Variants in ASXL3 observed in about 807,000 individuals in gnomAD.
ASXL3 encodes the protein putative Polycomb group protein ASXL3.
In ASXL3, 34 loss-of-function variants were observed where a neutral mutation model predicts 170.6. That is an observed-to-expected ratio of 0.20 (90% CI 0.15 to 0.27). The LOEUF is 0.27. Ranked by LOEUF, ASXL3 falls within the 10% of genes least tolerant of loss-of-function variation. The probability of loss-of-function intolerance (pLI) is 1.00; values close to 1 mark genes in which losing one functional copy is unlikely to be tolerated. For synonymous variants in ASXL3, 1,002 were observed against 989.1 expected, an observed-to-expected ratio of 1.01 and a Z score of -0.24; for missense variants, 2,592 against 2,695.3, an observed-to-expected ratio of 0.96 and a Z score of 0.85.
intron 7 of ASXL3, among the ~76,000 whole-genome samples, chr18:33,679,241 GT>G (rs2066478010): frequency 6.6e-6 from 1 of 151,714 alleles, no homozygotes; most frequent in Non-Finnish European, 1.5e-5. Flanking sequence ...TTGCCTCTAG[GT>G]TTGGCCTTTG....
At chr18:33,585,731 A>C (rs2065029326) in intron 1 of ASXL3, among the ~76,000 whole-genome samples, 1 of 152,232 alleles carries the variant, frequency 6.6e-6, no homozygotes, top group Non-Finnish European at 1.5e-5. Flanking sequence ...TTAGCTTTGG[A>C]GGAACTTTTA....
chr18:33,657,583 A>G (rs531861457), intron 4 of ASXL3, among the ~76,000 whole-genome samples: 1 of 152,232 alleles, frequency 6.6e-6, no homozygotes, highest in Admixed American at 6.5e-5. Flanking sequence ...TTTCAAGTTG[A>G]ATGGTAAATT....
chr18:33,607,048 T>G (rs1288705738), intron 1 of ASXL3, among the ~76,000 whole-genome samples: 1 of 151,966 alleles, frequency 6.6e-6, no homozygotes, highest in Non-Finnish European at 1.5e-5. Flanking sequence ...TACTTGAAAT[T>G]AATTGGAAAA....
intron 2 of ASXL3, among the ~76,000 whole-genome samples, chr18:33,632,619 G>C (rs2065695883): frequency 3.3e-5 from 5 of 152,086 alleles, no homozygotes. Context: ...TTTTGTCAGT[G>C]TCTTTGTCCA....
At chr18:33,714,722 GC>G (rs2067135682) in intron 8 of ASXL3, among the ~76,000 whole-genome samples, 1 of 151,722 alleles carries the variant, frequency 6.6e-6, no homozygotes, top group African/African-American at 2.4e-5. Flanking sequence ...GTTCCACCAG[GC>G]CCCCAACTCT....
intron 8 of ASXL3, among the ~76,000 whole-genome samples, chr18:33,718,632 A>T (rs183995950): frequency 6.6e-6 from 1 of 151,864 alleles, no homozygotes; most frequent in Non-Finnish European, 1.5e-5. Flanking sequence ...TCATTTTCTT[A>T]CAGTGGTGGG....
rs1340154978 is a variant in ASXL3 at position 33,652,797 on chromosome 18, T to C, written c.355+6444T>C. The stretch of plus-strand genomic sequence containing the variant: ...ATGAAACGTTACTCAGCTCACTCTT[T>C]GTTTTCATTGGCTCAGAGGCTACAG... On this transcript the variant is annotated intron_variant, in intron 4 of 11. Transcript: ENST00000269197. Among the ~76,000 whole-genome samples, 9 of 152,046 alleles carry C rather than the reference T, an allele frequency of 5.9e-5. No homozygotes were observed. The East Asian group carries it at 1.7e-3, about 29-fold the overall frequency.
chr18:33,588,173 A>T (rs2065049656), intron 1 of ASXL3, among the ~76,000 whole-genome samples: 1 of 152,094 alleles, frequency 6.6e-6, no homozygotes, highest in African/African-American at 2.4e-5. Flanking sequence ...GTATTTTAAG[A>T]TTTCCCTTAA....
chr18:33,671,129 A>T (rs575762375), intron 6 of ASXL3, among the ~76,000 whole-genome samples: 2 of 152,190 alleles, frequency 1.3e-5, no homozygotes, highest in South Asian at 4.2e-4. Flanking sequence ...CTGATGTATA[A>T]TACCATCAAA....
intron 8 of ASXL3, among the ~76,000 whole-genome samples, chr18:33,717,616 G>A (rs1034852329): frequency 1.3e-5 from 2 of 152,048 alleles, no homozygotes; most frequent in Non-Finnish European, 2.9e-5. Context: ...TTGAAATCAA[G>A]CTCTCTTTCC....
rs137875680 is a variant in ASXL3, at chr18:33,610,605, A to G, written c.137+2929A>G. Among the ~76,000 whole-genome samples, 254 of 151,858 alleles carry G rather than the reference A, an allele frequency of 1.7e-3. 4 individuals carry two copies. Among genetic ancestry groups the G allele is most frequent in the African/African-American group, 5.7e-3 (237 of 41,438 alleles). The stretch of plus-strand genomic sequence containing the variant: ...CGCTGTACTGTAATTTTGTCTTTGT[A>G]TGTCTTCCCTGCCTGTGTGTGAGCT... On this transcript the variant is annotated intron_variant, in intron 2 of 11. Coordinates refer to ENST00000269197, the MANE Select transcript of ASXL3 (RefSeq NM_030632.3).
At chr18:33,726,061 C>T (rs2067344956) in intron 8 of ASXL3, among the ~76,000 whole-genome samples, 1 of 152,168 alleles carries the variant, frequency 6.6e-6, no homozygotes. Flanking sequence ...AAGACATCTA[C>T]TGGGAATTAT....
chr18:33,635,695 A>G (rs1386398851), intron 2 of ASXL3, among the ~76,000 whole-genome samples: 2 of 152,192 alleles, frequency 1.3e-5, no homozygotes, highest in Non-Finnish European at 1.5e-5. Flanking sequence ...ATTGTTATGA[A>G]AGGGAGAGTC....
chr18:33,617,640 C>T (rs2065447571), intron 2 of ASXL3, among the ~76,000 whole-genome samples: 1 of 152,120 alleles, frequency 6.6e-6, no homozygotes, highest in Non-Finnish European at 1.5e-5. Flanking sequence ...CAATTATAGC[C>T]ACGAAATGGC....
chr18:33,608,668 A>G (rs1360708106), intron 2 of ASXL3, among the ~76,000 whole-genome samples: 1 of 152,034 alleles, frequency 6.6e-6, no homozygotes, highest in Non-Finnish European at 1.5e-5. Context: ...GTGTACATGA[A>G]TTGTCCATCT....
At chr18:33,664,296 G>A (rs1368326816) in intron 5 of ASXL3, among the ~76,000 whole-genome samples, 1 of 152,094 alleles carries the variant, frequency 6.6e-6, no homozygotes, top group Admixed American at 6.6e-5. Context: ...CACAAATACT[G>A]CCTTTCAGCA....
rs113869961 is a variant in ASXL3, at chr18:33,729,726, T to G, written c.880-2242T>G. Among the ~76,000 whole-genome samples the G allele has an allele frequency of 7.1e-4, 108 of 152,146 alleles. 1 individual carries two copies. Among genetic ancestry groups the G allele is most frequent in the African/African-American group, 2.2e-3 (91 of 41,532 alleles). On this transcript the variant is annotated intron_variant, in intron 8 of 11. Coordinates refer to ENST00000269197, the MANE Select transcript of ASXL3 (RefSeq NM_030632.3). ...GTTTTAAGGATGTTGTAGCTCATCA[T>G]CTCCCTCCTTCATTACTCATTTCTG...
intron 8 of ASXL3, among the ~76,000 whole-genome samples, chr18:33,701,521 CCTTA>C (rs903182079): frequency 6.6e-6 from 1 of 151,902 alleles, no homozygotes; most frequent in Non-Finnish European, 1.5e-5. Flanking sequence ...TAAATTTATT[CCTTA>C]CTATTTTGTT....
At chr18:33,685,764 A>G (rs892478064) in intron 8 of ASXL3, among the ~76,000 whole-genome samples, 5 of 152,144 alleles carry the variant, frequency 3.3e-5, no homozygotes, top group African/African-American at 9.7e-5. Flanking sequence ...GGAGGGAGCA[A>G]GAGAGAGAGG....
Sources: allele counts gnomAD v4.1 joint callset (sites outside exome capture counted in the v4.1 genomes callset), GRCh38; gene constraint gnomAD v4.1.1; transcripts MANE v1.5; gene names NCBI Gene and HGNC (gene_info 2026-07-23, HGNC 2026-07-21).